OR7G2: variants seen among roughly 807,000 people sequenced by gnomAD.
OR7G2 encodes the protein olfactory receptor 7G2.
For synonymous variants in OR7G2, 153 were observed against 152.2 expected (o/e 1.01, Z -0.04); for missense variants, 362 against 384.0 (o/e 0.94, Z 0.48).
chr19:9,102,322 T>C lies in OR7G2; in HGVS notation c.922A>G (p.Ile308Val). 6.2e-7 allele frequency: 1 copy of C among 1,613,870 alleles called. No individual in the cohort carries two copies. Among genetic ancestry groups the C allele is most frequent in the South Asian group, 1.1e-5 (1 of 91,032 alleles). The change falls in exon 2 of 2, where the codon ATA (isoleucine) becomes GTA (valine). Residue 308 changes from isoleucine to valine, a missense_variant. Transcript: ENST00000641081. ...ATGGCACACCACAGAAGAGAAGGTA[T>C]CCTCCCTATGAACTTCCTCAAGGTT... ...KGTLRKFIGR[I>V]PSLLWCAICF... is the part of the protein sequence containing the mutation.
chr19:9,103,388 C>T, intron 1 of OR7G2, 129 bp from the exon 2 acceptor site: 5 of 777,860 alleles, frequency 6.4e-6, no homozygotes, highest in Non-Finnish European at 1.0e-5. Context: ...TGAGAACCGA[C>T]AGTTTATTCT....
Position 9,102,350 on chromosome 19 carries a change from T to C in OR7G2, c.894A>G (p.Lys298=), listed in dbSNP as rs4804400. The C allele has an allele frequency of 0.34, 545,190 of 1,613,434 alleles. 96,457 individuals carry two copies. The highest frequency in any genetic ancestry group is 0.57 in the East Asian group (25,507 of 44,864). Residue 298 remains lysine, a synonymous_variant, in exon 2 of 2, where the codon AAA becomes AAG. Coordinates refer to ENST00000641081, the MANE Select transcript of OR7G2 (RefSeq NM_001005193.2). ...FIYSLRNKDM[K]GTLRKFIGRI... is the part of the protein sequence containing the mutation. ...TCCCTATGAACTTCCTCAAGGTTCCTTTCATGTCCTTATTCCTCAGACTAT... is the reference window on the plus strand; with the variant it reads ...TCCCTATGAACTTCCTCAAGGTTCCCTTCATGTCCTTATTCCTCAGACTAT...
In OR7G2 at chr19:9,101,060, G is replaced by A. The variant is rs1379051267; in HGVS notation, c.*1209C>T. The A allele has an allele frequency of 6.6e-6, 1 of 152,306 alleles. No homozygotes were observed. 9.4% of individuals were successfully genotyped at this position (152,306 alleles called of 1,614,324 possible). On this transcript the variant is annotated 3_prime_UTR_variant, in exon 2 of 2. Coordinates refer to ENST00000641081, the MANE Select transcript of OR7G2 (RefSeq NM_001005193.2). ...AGGTAGGAGGGTCCCTGGAGTTTGA[G>A]CCCTGGAGTCCTGGAGTTTGGGGCT...
chr19:9,102,237 T>C lies in OR7G2; in HGVS notation c.*32A>G, dbSNP rs1915517190. Reference sequence around the variant, plus strand: ...ACAAAACAAAACAAAGAGTCAGGCATTCTAGCTCACCAGGAATCCTGTCAC... The same window carrying C: ...ACAAAACAAAACAAAGAGTCAGGCACTCTAGCTCACCAGGAATCCTGTCAC... On this transcript the variant is annotated 3_prime_UTR_variant, in exon 2 of 2. Coordinates refer to ENST00000641081, the MANE Select transcript of OR7G2 (RefSeq NM_001005193.2). The C allele has an allele frequency of 6.4e-7, 1 of 1,551,516 alleles. No individual in the cohort carries two copies. The highest frequency in any genetic ancestry group is 8.7e-7 in the Non-Finnish European group (1 of 1,149,740).
chr19:9,103,389 A>C, intron 1 of OR7G2, 130 bp from the exon 2 acceptor site: 1 of 771,056 alleles, frequency 1.3e-6, no homozygotes, highest in South Asian at 1.8e-5. Context: ...GAGAACCGAC[A>C]GTTTATTCTT....
chr19:9,102,064 A>T lies in OR7G2; in HGVS notation c.*205T>A. The T allele has an allele frequency of 2.0e-6, 1 of 494,980 alleles. No homozygotes were observed. The highest frequency in any genetic ancestry group is 3.5e-6 in the Non-Finnish European group (1 of 283,100). The allele number at this position is 494,980 out of a possible 1,614,324, so 30.7% of individuals were successfully genotyped here. On this transcript the variant is annotated 3_prime_UTR_variant, in exon 2 of 2. Transcript: ENST00000641081. ...CTAAAAATACAAAAATTAGCCAGGC[A>T]TGGTGGCAGGCGCCTGTAATCCCCA...
rs776195300 is a variant in OR7G2, at chr19:9,102,383, G to A, written c.861C>T (p.Pro287=). 3 of 1,613,828 alleles carry A rather than the reference G, an allele frequency of 1.9e-6. 1 individual carries two copies. Among genetic ancestry groups the A allele is most frequent in the East Asian group, 2.2e-5 (1 of 44,864 alleles). The change falls in exon 2 of 2, where the codon CCC becomes CCT. Residue 287 remains proline (P), a synonymous_variant. Coordinates refer to ENST00000641081, the MANE Select transcript of OR7G2 (RefSeq NM_001005193.2). Reference sequence around the variant, plus strand: ...CCTTATTCCTCAGACTATAGATAAAGGGGTTCACCATTTGAGGGAACACAG... The same window carrying A: ...CCTTATTCCTCAGACTATAGATAAAAGGGTTCACCATTTGAGGGAACACAG... The part of the protein sequence containing the change: ...MYSVFPQMVN[P]FIYSLRNKDM...
intron 1 of OR7G2, among the ~76,000 whole-genome samples, chr19:9,106,983 C>T (rs1391514971): frequency 2.0e-5 from 3 of 151,860 alleles, no homozygotes; most frequent in African/African-American, 7.3e-5. Context: ...GGCGGGAGTA[C>T]AAGAGGCCAG....
At chr19:9,103,483 A>C (rs926028675) in intron 1 of OR7G2, among the ~76,000 whole-genome samples, 2 of 149,608 alleles carry the variant, frequency 1.3e-5, no homozygotes, top group African/African-American at 4.9e-5. Flanking sequence ...AGTTTTCTTA[A>C]TCAAAAAATG....
At chr19:9,105,363 G>A (rs2050380409) in intron 1 of OR7G2, among the ~76,000 whole-genome samples, 1 of 152,006 alleles carries the variant, frequency 6.6e-6, no homozygotes, top group Non-Finnish European at 1.5e-5. Context: ...TATAAAACAT[G>A]ATTATCCACA....
intron 1 of OR7G2, among the ~76,000 whole-genome samples, chr19:9,105,785 T>C (rs7252068): frequency 0.01 from 1,556 of 151,406 alleles, 33 homozygotes; most frequent in African/African-American, 0.035. Context: ...AAATGGAGGT[T>C]GCAGTGTGCC....
chr19:9,101,103 T>C lies in OR7G2; in HGVS notation c.*1166A>G, dbSNP rs78697915. On this transcript the variant is annotated 3_prime_UTR_variant, in exon 2 of 2. Transcript: ENST00000641081. ...TTGGGGCTGCAGGGAGCTATGATCA[T>C]GTCATTGCATTCCAGCCTAGGTGAC... The C allele has an allele frequency of 0.017, 2,529 of 152,120 alleles. 39 individuals are homozygous for C. Among genetic ancestry groups the C allele is most frequent in the Middle Eastern group, 0.024 (7 of 294 alleles). 9.4% of individuals were successfully genotyped at this position (152,120 alleles called of 1,614,324 possible).
chr19:9,106,761 A>C (rs926242898), intron 1 of OR7G2, among the ~76,000 whole-genome samples: 2 of 149,188 alleles, frequency 1.3e-5, no homozygotes, highest in Admixed American at 6.7e-5. Context: ...AAAAGTGCAT[A>C]TTTCAAAACC....
In OR7G2 at chr19:9,102,893, T is replaced by A. The variant is rs772899891; in HGVS notation, c.351A>T (p.Ala117=). 2 of 1,614,092 alleles carry A rather than the reference T, an allele frequency of 1.2e-6. No individual in the cohort carries two copies. The highest frequency in any genetic ancestry group is 1.7e-6 in the Non-Finnish European group (2 of 1,179,990). ...TGGCCACATAGCGGTCATAGGCCATTGCTGCAAGGAGACAATTTTCCAAGC... is the reference window on the plus strand; with the variant it reads ...TGGCCACATAGCGGTCATAGGCCATAGCTGCAAGGAGACAATTTTCCAAGC... ...FAGLENCLLA[A]MAYDRYVAIC... The change falls in exon 2 of 2, where the codon GCA becomes GCT. Residue 117 remains alanine, a synonymous_variant. Transcript: ENST00000641081.
At position 9,107,471 on chromosome 19, in the gene OR7G2, A is replaced by G. The variant is rs1473281199; in HGVS notation, c.-174T>C. The G allele has an allele frequency of 6.6e-6, 1 of 152,092 alleles. No homozygotes were observed. Among genetic ancestry groups the G allele is most frequent in the African/African-American group, 2.4e-5 (1 of 41,402 alleles). The allele number at this position is 152,092 out of a possible 1,614,324, so 9.4% of individuals were successfully genotyped here. On this transcript the variant is annotated 5_prime_UTR_variant, in exon 1 of 2. Coordinates refer to ENST00000641081, the MANE Select transcript of OR7G2 (RefSeq NM_001005193.2). The stretch of plus-strand genomic sequence containing the variant: ...CAGCCTGACTTGTTGCACTGTCTAT[A>G]TCCCTGGGACCTCAATATCCAACGC...
chr19:9,103,142 C>T lies in OR7G2; in HGVS notation c.102G>A (p.Met34Ile), dbSNP rs751998288. Residue 34 changes from methionine (M) to isoleucine (I), a missense_variant, in exon 2 of 2, where the codon ATG becomes ATA. By Grantham distance (10) the Met-to-Ile change is conservative. Coordinates refer to ENST00000641081, the MANE Select transcript of OR7G2 (RefSeq NM_001005193.2). ...QPVLFSLFLS[M>I]YLVTILGNLL... is the part of the protein sequence containing the mutation. ...GGTTCCCCAGGATGGTGACCAAGTA[C>T]ATGGACAGGAACAGGCTGAAAAGGA... is the stretch of plus-strand genomic sequence containing the variant. The T allele has an allele frequency of 2.5e-6, 4 of 1,614,152 alleles. No homozygotes were observed. Among genetic ancestry groups the T allele is most frequent in the African/African-American group, 1.3e-5 (1 of 75,038 alleles).
In OR7G2 at chr19:9,101,925, G is replaced by A. The variant is rs117855608; in HGVS notation, c.*344C>T. On this transcript the variant is annotated 3_prime_UTR_variant, in exon 2 of 2. Transcript: ENST00000641081. Reference sequence around the variant, plus strand: ...TGGTGATGAAAGAGTCAGGCAGGCTGGGCGCATTGTCTCACGCCTGTAATC... The same window carrying A: ...TGGTGATGAAAGAGTCAGGCAGGCTAGGCGCATTGTCTCACGCCTGTAATC... The A allele has an allele frequency of 0.033, 6,191 of 189,642 alleles. 113 individuals carry two copies. Among genetic ancestry groups the A allele is most frequent in the Non-Finnish European group, 0.046 (4,237 of 92,020 alleles). 11.7% of individuals were successfully genotyped at this position (189,642 alleles called of 1,614,324 possible). A position where few individuals can be genotyped will look rare whatever the true frequency, so the allele number is the denominator to read the frequency against.
intron 1 of OR7G2, among the ~76,000 whole-genome samples, chr19:9,104,700 G>C (rs1449501510): frequency 6.6e-6 from 1 of 151,596 alleles, no homozygotes; most frequent in Non-Finnish European, 1.5e-5. Flanking sequence ...GGTGGTGGGC[G>C]CCTGTGGTCC....
At position 9,102,579 on chromosome 19, in the gene OR7G2, G is replaced by A. The variant is rs2050360814; in HGVS notation, c.665C>T (p.Thr222Ile). The change falls in exon 2 of 2, where the codon ACC becomes ATC. Residue 222 changes from threonine to isoleucine, a missense_variant. Transcript: ENST00000641081. Reference sequence around the variant, plus strand: ...TGATGGCATTCTCAAAACACAGGAGGTGATCTGAGTGTAAGACAAAATGAT... The same window carrying A: ...TGATGGCATTCTCAAAACACAGGAGATGATCTGAGTGTAAGACAAAATGAT... ...SGIILSYTQI[T>I]SCVLRMPSAS... is the part of the protein sequence containing the mutation. 1 of 1,614,194 alleles carries A rather than the reference G, an allele frequency of 6.2e-7. No homozygotes were observed. The highest frequency in any genetic ancestry group is 8.5e-7 in the Non-Finnish European group (1 of 1,180,030).
Sources: allele counts gnomAD v4.1 joint callset (sites outside exome capture counted in the v4.1 genomes callset), GRCh38; gene constraint gnomAD v4.1.1; transcripts MANE v1.5; gene names NCBI Gene and HGNC (gene_info 2026-07-23, HGNC 2026-07-21).